Variants in ERC1 observed in about 807,000 individuals in gnomAD.
ERC1 encodes RAB6 interacting protein 2.
A neutral mutation model predicts 132.0 loss-of-function variants in ERC1; 56 were observed. The observed-to-expected ratio is 0.42, with a 90% CI of 0.34 to 0.53. The LOEUF is 0.53. Among genes scored for constraint, ERC1 ranks in the 20% least tolerant of loss-of-function variants. The pLI is 0.03. For missense variants in ERC1, 1,202 were observed against 1,349.9 expected, an observed-to-expected ratio of 0.89 and a Z score of 1.72; for synonymous variants, 478 against 476.1, an observed-to-expected ratio of 1.00 and a Z score of -0.05.
At chr12:1,137,392 C>T (rs540221766) in intron 7 of ERC1, among the ~76,000 whole-genome samples, 8 of 151,646 alleles carry the variant, frequency 5.3e-5, no homozygotes, top group South Asian at 2.1e-4. Context: ...CCACCACGCC[C>T]GGCCATAGTC....
At chr12:1,388,844 A>G (rs1235537627) in intron 16 of ERC1, among the ~76,000 whole-genome samples, 2 of 152,148 alleles carry the variant, frequency 1.3e-5, no homozygotes, top group Admixed American at 6.6e-5. Flanking sequence ...CTGTGTATCA[A>G]ACACCACCTA....
At chr12:1,051,914 CG>C (rs2154169121) in intron 2 of ERC1, among the ~76,000 whole-genome samples, 1 of 143,198 alleles carries the variant, frequency 7.0e-6, no homozygotes, top group East Asian at 2.0e-4. Context: ...TCCTTATGAT[CG>C]CCTCTGCTCC....
chr12:1,175,270 G>A (rs192377752), intron 8 of ERC1, among the ~76,000 whole-genome samples: 31 of 151,830 alleles, frequency 2.0e-4, no homozygotes, highest in African/African-American at 6.5e-4. Flanking sequence ...TTGACTCGTC[G>A]TTTCAAAAAA....
chr12:1,013,862 G>A lies in ERC1; in HGVS notation c.-156-13886G>A, dbSNP rs368116814. On this transcript the variant is annotated intron_variant, in intron 1 of 18. Transcript: ENST00000360905. ...TCTTACTGCTACAGCCTCCCAAGTAGCTAGGGCTAAAGATGTGTGCCACCA... is the reference window on the plus strand; with the variant it reads ...TCTTACTGCTACAGCCTCCCAAGTAACTAGGGCTAAAGATGTGTGCCACCA... Among the ~76,000 whole-genome samples the A allele has an allele frequency of 4.6e-5, 7 of 152,126 alleles. No individual in the cohort carries two copies. In the East Asian group the frequency reaches 7.7e-4, roughly 17 times the overall value.
intron 15 of ERC1, among the ~76,000 whole-genome samples, chr12:1,342,499 CA>C (rs1197025380): frequency 6.7e-6 from 1 of 148,644 alleles, no homozygotes; most frequent in East Asian, 2.0e-4. Context: ...AAAGATAAAG[CA>C]AAAAATGCAG....
At chr12:1,462,798 G>T (rs1195603392) in intron 18 of ERC1, among the ~76,000 whole-genome samples, 1 of 152,066 alleles carries the variant, frequency 6.6e-6, no homozygotes. Context: ...CTAAAGATCT[G>T]TACATTTTGT....
At chr12:1,420,221 A>T (rs2092367021) in intron 17 of ERC1, among the ~76,000 whole-genome samples, 2 of 151,678 alleles carry the variant, frequency 1.3e-5, no homozygotes, top group Admixed American at 1.3e-4. Context: ...TTTTACAAAG[A>T]CTGAATATTT....
At chr12:1,226,564 A>G (rs1458244637) in intron 12 of ERC1, among the ~76,000 whole-genome samples, 1 of 152,172 alleles carries the variant, frequency 6.6e-6, no homozygotes, top group Non-Finnish European at 1.5e-5. Flanking sequence ...CCCTTTGACA[A>G]ACATCTTCCA....
intron 16 of ERC1, among the ~76,000 whole-genome samples, chr12:1,383,831 C>T (rs985916726): frequency 6.6e-6 from 1 of 152,154 alleles, no homozygotes; most frequent in Admixed American, 6.5e-5. Flanking sequence ...TACTGTTTAA[C>T]GTTTAGGCAG....
chr12:1,202,996 T>G (rs1262345459), intron 12 of ERC1, among the ~76,000 whole-genome samples: 1 of 152,228 alleles, frequency 6.6e-6, no homozygotes, highest in Non-Finnish European at 1.5e-5. Context: ...TGGAGTTTTA[T>G]AGACTCCTAA....
chr12:1,025,589 T>C (rs1479440769), intron 1 of ERC1, among the ~76,000 whole-genome samples: 1 of 152,182 alleles, frequency 6.6e-6, no homozygotes, highest in African/African-American at 2.4e-5. Context: ...TCTAGTACTT[T>C]TAATGGCTTA....
At chr12:993,562 A>G (rs751967959) in intron 1 of ERC1, among the ~76,000 whole-genome samples, 2 of 152,146 alleles carry the variant, frequency 1.3e-5, no homozygotes, top group African/African-American at 2.4e-5. Context: ...TGTGTCATAG[A>G]TAAGTATGCC....
intron 14 of ERC1, among the ~76,000 whole-genome samples, chr12:1,282,298 C>T (rs1220305764): frequency 6.6e-6 from 1 of 152,102 alleles, no homozygotes; most frequent in Non-Finnish European, 1.5e-5. Context: ...CACTTAAACC[C>T]ACTAACCCTG....
chr12:1,144,829 C>G (rs899698933), intron 8 of ERC1, among the ~76,000 whole-genome samples: 2 of 151,926 alleles, frequency 1.3e-5, no homozygotes, highest in Non-Finnish European at 2.9e-5. Context: ...ATTGCTGGAT[C>G]AAATGGTAGG....
chr12:1,420,525 G>C (rs2092382221), intron 17 of ERC1, among the ~76,000 whole-genome samples: 1 of 151,988 alleles, frequency 6.6e-6, no homozygotes, highest in South Asian at 2.1e-4. Flanking sequence ...GCACAATCTC[G>C]GCTCGCTACA....
intron 15 of ERC1, among the ~76,000 whole-genome samples, chr12:1,320,305 C>T (rs1196335816): frequency 5.9e-5 from 9 of 152,184 alleles, no homozygotes; most frequent in Non-Finnish European, 2.9e-5. Context: ...AAAGGCTCTA[C>T]CCCACATGTG....
chr12:1,381,217 G>T (rs1345189509), intron 16 of ERC1: 1 of 152,196 alleles, frequency 6.6e-6, no homozygotes, highest in African/African-American at 2.4e-5. Context: ...CTCCTTGATG[G>T]TGACTGTTGT....
intron 8 of ERC1, among the ~76,000 whole-genome samples, chr12:1,167,906 G>T (rs1257442095): frequency 6.6e-6 from 1 of 151,666 alleles, no homozygotes; most frequent in African/African-American, 2.4e-5. Context: ...ACTGCAGACG[G>T]GGTTTCAGCA....
chr12:1,110,643 G>A (rs146427618), intron 5 of ERC1, among the ~76,000 whole-genome samples: 1 of 152,166 alleles, frequency 6.6e-6, no homozygotes, highest in African/African-American at 2.4e-5. Context: ...ACTTCCAGAT[G>A]AGTTTTTCTC....
Sources: allele counts gnomAD v4.1 joint callset (sites outside exome capture counted in the v4.1 genomes callset), GRCh38; gene constraint gnomAD v4.1.1; transcripts MANE v1.5; gene names NCBI Gene and HGNC (gene_info 2026-07-23, HGNC 2026-07-21).